The following EYS variants were observed in gnomAD, a reference collection of about 807,000 sequenced individuals.
EYS encodes the protein protein eyes shut homolog.
In EYS, 250 loss-of-function variants were observed where a neutral mutation model predicts 282.1. The observed-to-expected ratio is 0.89, with a 90% CI of 0.80 to 0.98. EYS has a LOEUF of 0.98. Ranked by LOEUF, EYS falls within the 50% of genes least tolerant of loss-of-function variation. EYS has a pLI of 0.00. For missense variants in EYS, 4,016 were observed against 3,709.0 expected (o/e 1.08, Z -2.15); for synonymous variants, 1,355 against 1,282.9 (o/e 1.06, Z -1.20).
chr6:65,321,083 T>A (rs1421289054), intron 11 of EYS, among the ~76,000 whole-genome samples: 2 of 151,714 alleles, frequency 1.3e-5, no homozygotes, highest in Non-Finnish European at 2.9e-5. Flanking sequence ...ACTCAACCCA[T>A]GGCAGTGCTC....
chr6:65,030,540 A>G (rs1359075102), intron 13 of EYS, among the ~76,000 whole-genome samples: 1 of 152,068 alleles, frequency 6.6e-6, no homozygotes, highest in Non-Finnish European at 1.5e-5. Context: ...CTGTACCACT[A>G]TTGCTGCTGG....
chr6:65,365,239 C>A (rs2150337163), intron 8 of EYS, among the ~76,000 whole-genome samples: 1 of 151,822 alleles, frequency 6.6e-6, no homozygotes, highest in South Asian at 2.1e-4. Flanking sequence ...ATAGCAACAA[C>A]CAACAAAAAA....
rs2149793924 is a variant in EYS, at chr6:65,608,979, G to T, written c.-333+30799C>A. Among the ~76,000 whole-genome samples, 3 of 152,088 alleles carry T rather than the reference G, an allele frequency of 2.0e-5. No individual in the cohort carries two copies. The East Asian group carries it at 5.8e-4, about 29-fold the overall frequency. On this transcript the variant is annotated intron_variant, in intron 2 of 42. Coordinates refer to ENST00000503581, the MANE Select transcript of EYS (RefSeq NM_001142800.2). ...ATACCTCCTGAAAGGCCTACCTGAG[G>T]CTGTTTCACAGTTAAATCTTTTTTA...
chr6:65,456,844 C>T (rs931001168), intron 5 of EYS, among the ~76,000 whole-genome samples: 7 of 151,930 alleles, frequency 4.6e-5, no homozygotes, highest in Non-Finnish European at 8.8e-5. Context: ...TAAAATGTAC[C>T]CATATTAGAA....
chr6:64,205,960 T>C (rs1765599128), intron 31 of EYS, among the ~76,000 whole-genome samples: 1 of 152,142 alleles, frequency 6.6e-6, no homozygotes, highest in South Asian at 2.1e-4. Flanking sequence ...TTAGAGAAAG[T>C]ATCTCATTAG....
At chr6:63,760,836 A>G (rs1769620364) in intron 41 of EYS, among the ~76,000 whole-genome samples, 1 of 151,966 alleles carries the variant, frequency 6.6e-6, no homozygotes, top group South Asian at 2.1e-4. Context: ...TTTAAGCATC[A>G]AAACTGTGGC....
At chr6:64,478,813 T>A (rs987546481) in intron 26 of EYS, among the ~76,000 whole-genome samples, 30 of 151,298 alleles carry the variant, frequency 2.0e-4, no homozygotes, top group African/African-American at 7.3e-4. Flanking sequence ...ATTGATTTTA[T>A]CTTAATTTAA....
chr6:64,315,850 A>T (rs776464185), intron 29 of EYS, among the ~76,000 whole-genome samples: 1 of 151,946 alleles, frequency 6.6e-6, no homozygotes, highest in Non-Finnish European at 1.5e-5. Context: ...CCAGCCACAC[A>T]TCAAAAAGCT....
intron 33 of EYS, among the ~76,000 whole-genome samples, chr6:64,063,907 T>C (rs1286013099): frequency 6.6e-6 from 1 of 152,148 alleles, no homozygotes; most frequent in Non-Finnish European, 1.5e-5. Flanking sequence ...TTTGTATTTT[T>C]AGTAGAGATG....
Position 64,193,950 on chromosome 6 carries a change from G to T in EYS, c.6424+36642C>A, listed in dbSNP as rs138561239. Among the ~76,000 whole-genome samples, 946 of 152,204 alleles carry T rather than the reference G, an allele frequency of 6.2e-3. 6 individuals are homozygous for T. The highest frequency in any genetic ancestry group is 0.022 in the African/African-American group (903 of 41,514). On this transcript the variant is annotated intron_variant, in intron 31 of 42. Coordinates refer to ENST00000503581, the MANE Select transcript of EYS (RefSeq NM_001142800.2). ...AGTCTTTGGTATTGTGAATAGTGCT[G>T]CAATAAACATACGTGTGCATGTGTC...
intron 2 of EYS, among the ~76,000 whole-genome samples, chr6:65,585,877 A>G (rs1182937518): frequency 2.0e-5 from 3 of 152,020 alleles, no homozygotes; most frequent in Non-Finnish European, 4.4e-5. Context: ...ACTACTCAAT[A>G]TGAATTTGCC....
At chr6:65,653,723 T>C (rs1346780133) in intron 1 of EYS, among the ~76,000 whole-genome samples, 1 of 151,824 alleles carries the variant, frequency 6.6e-6, no homozygotes, top group East Asian at 1.9e-4. Flanking sequence ...GCAAATAGAG[T>C]CAGATTTTTG....
chr6:65,059,366 G>A (rs975111829), intron 12 of EYS, among the ~76,000 whole-genome samples: 11 of 152,008 alleles, frequency 7.2e-5, no homozygotes, highest in Admixed American at 5.9e-4. Flanking sequence ...GAGCTCATAG[G>A]TCATATGCAT....
At chr6:65,526,507 G>A (rs1326018300) in intron 2 of EYS, among the ~76,000 whole-genome samples, 1 of 152,100 alleles carries the variant, frequency 6.6e-6, no homozygotes, top group Admixed American at 6.6e-5. Flanking sequence ...GCTCCAACCT[G>A]TCTTTTTTAG....
At chr6:64,589,205 A>C (rs1766323253) in intron 26 of EYS, among the ~76,000 whole-genome samples, 1 of 152,084 alleles carries the variant, frequency 6.6e-6, no homozygotes, top group Non-Finnish European at 1.5e-5. Flanking sequence ...TCATGGTTTT[A>C]AGAAATTTTG....
At chr6:64,031,274 C>A (rs1769818545) in intron 33 of EYS, among the ~76,000 whole-genome samples, 1 of 152,216 alleles carries the variant, frequency 6.6e-6, no homozygotes, top group African/African-American at 2.4e-5. Context: ...CACCACCGGC[C>A]CTGGGCAGTG....
At chr6:64,196,829 G>T (rs903245030) in intron 31 of EYS, among the ~76,000 whole-genome samples, 5 of 151,700 alleles carry the variant, frequency 3.3e-5, no homozygotes, top group African/African-American at 1.2e-4. Context: ...CACCAGCATG[G>T]CACATGTATA....
rs556677656 is a variant in EYS at position 65,440,831 on chromosome 6, G to A, written c.863-35464C>T. On this transcript the variant is annotated intron_variant, in intron 5 of 42. Coordinates refer to ENST00000503581, the MANE Select transcript of EYS (RefSeq NM_001142800.2). The stretch of plus-strand genomic sequence containing the variant: ...TAACCTGACTTAATTCCTTTGTGTA[G>A]AAAAAAAATATGTGTATATATATAT... Among the ~76,000 whole-genome samples, 4 of 142,688 alleles carry A rather than the reference G, an allele frequency of 2.8e-5. No homozygotes were observed. The South Asian group carries it at 6.5e-4, about 23-fold the overall frequency. The allele number at this position is 142,688 out of a possible 152,430, so 93.6% of individuals were successfully genotyped here. A position where few individuals can be genotyped will look rare whatever the true frequency, so the allele number is the denominator to read the frequency against.
At chr6:64,914,828 G>A (rs1358342264) in intron 15 of EYS, among the ~76,000 whole-genome samples, 1 of 151,960 alleles carries the variant, frequency 6.6e-6, no homozygotes, top group African/African-American at 2.4e-5. Context: ...AATTGGCTGT[G>A]GGTAGAAAGT....
Sources: gnomAD v4.1 joint callset for allele counts (sites outside exome capture counted in the v4.1 genomes callset) on GRCh38, gnomAD v4.1.1 for gene constraint, MANE v1.5 for transcripts, NCBI Gene and HGNC (gene_info 2026-07-23, HGNC 2026-07-21) for gene names.